DEPTOR: variants seen among roughly 807,000 people sequenced by gnomAD.
The protein encoded by DEPTOR is DEP domain containing MTOR interacting protein.
Under a neutral mutation model 41.6 loss-of-function variants are expected in DEPTOR, and 41 were observed. The observed-to-expected ratio is 0.98, with a 90% CI of 0.77 to 1.28. The LOEUF is 1.28. Ranked by LOEUF, DEPTOR falls within the 50% of genes most tolerant of loss-of-function variation. The pLI is 0.00. For missense variants in DEPTOR, 514 were observed against 527.9 expected (o/e 0.97, Z 0.26); for synonymous variants, 195 against 192.3 (o/e 1.01, Z -0.12).
intron 6 of DEPTOR, 79 bp downstream of exon 6, chr8:120,003,190 C>T (rs1812382849): frequency 4.5e-6 from 7 of 1,567,580 alleles, no homozygotes; most frequent in South Asian, 2.3e-5. Flanking sequence ...TCTGAGATAG[C>T]GGGAGACTAG....
chr8:119,956,740 GTT>G (rs71571641), intron 3 of DEPTOR, among the ~76,000 whole-genome samples: 1 of 92,004 alleles, frequency 1.1e-5, no homozygotes, highest in Non-Finnish European at 2.0e-5. Flanking sequence ...TTTTTTTTTT[GTT>G]TTTTTTTTTT....
chr8:119,995,315 G>C (rs1456525643), intron 4 of DEPTOR, among the ~76,000 whole-genome samples: 1 of 152,120 alleles, frequency 6.6e-6, no homozygotes, highest in Non-Finnish European at 1.5e-5. Flanking sequence ...GGCCGGGCAC[G>C]GTGGCTCATG....
intron 4 of DEPTOR, among the ~76,000 whole-genome samples, chr8:119,979,949 T>C (rs894230201): frequency 6.6e-6 from 1 of 152,122 alleles, no homozygotes. Context: ...GGAAAAACTC[T>C]TGATCATTTG....
chr8:119,938,813 C>A (rs1316328168), intron 3 of DEPTOR, among the ~76,000 whole-genome samples: 1 of 151,836 alleles, frequency 6.6e-6, no homozygotes, highest in African/African-American at 2.4e-5. Context: ...CCCAGCCTGC[C>A]TGCCTGCCTT....
rs547367393 is a variant in DEPTOR, at chr8:120,019,069, CTG to C, written c.1101+9937_1101+9938del. On this transcript the variant is annotated intron_variant, in intron 8 of 8. Coordinates refer to ENST00000286234, the MANE Select transcript of DEPTOR (RefSeq NM_022783.4). ...CCTGTAATTTCAGCACTTTGGGAGA[CTG>C]AGGCGGACGGACCACTTGAGGTCAG... 2.9e-3 allele frequency among the ~76,000 whole-genome samples: 437 copies of C among 152,270 alleles called. 3 individuals are homozygous for C. Among genetic ancestry groups the C allele is most frequent in the African/African-American group, 0.01 (420 of 41,570 alleles).
At chr8:119,930,940 G>A (rs919847782) in intron 3 of DEPTOR, among the ~76,000 whole-genome samples, 5 of 152,184 alleles carry the variant, frequency 3.3e-5, no homozygotes, top group South Asian at 2.1e-4. Context: ...GGCCAGGCAC[G>A]GTGGCTTATG....
chr8:119,961,892 A>C (rs1828497128), intron 3 of DEPTOR, among the ~76,000 whole-genome samples: 1 of 152,132 alleles, frequency 6.6e-6, no homozygotes, highest in Non-Finnish European at 1.5e-5. Context: ...ATAATTTTAC[A>C]GAGGAAGATG....
chr8:119,958,971 G>C (rs769851194), intron 3 of DEPTOR, among the ~76,000 whole-genome samples: 29 of 152,160 alleles, frequency 1.9e-4, no homozygotes, highest in Non-Finnish European at 3.1e-4. Flanking sequence ...CAGTTTCCTA[G>C]AGAGTGTTTT....
chr8:119,946,531 A>G (rs115657203), intron 3 of DEPTOR, among the ~76,000 whole-genome samples: 2,632 of 151,698 alleles, frequency 0.017, 70 homozygotes, highest in African/African-American at 0.061. Flanking sequence ...ACTGGAGATC[A>G]GGAGTTCAAC....
At chr8:120,035,751 C>T (rs1430017694) in intron 8 of DEPTOR, among the ~76,000 whole-genome samples, 1 of 152,150 alleles carries the variant, frequency 6.6e-6, no homozygotes, top group Non-Finnish European at 1.5e-5. Context: ...AGGCTGGTTT[C>T]GAACTCCTGA....
chr8:119,921,651 A>G (rs1827895350), intron 1 of DEPTOR, among the ~76,000 whole-genome samples: 1 of 151,352 alleles, frequency 6.6e-6, no homozygotes, highest in African/African-American at 2.4e-5. Context: ...CTCCCCTTCT[A>G]CCCTTGCAGG....
intron 3 of DEPTOR, among the ~76,000 whole-genome samples, chr8:119,948,711 A>G (rs1422074334): frequency 6.6e-6 from 1 of 152,058 alleles, no homozygotes; most frequent in Non-Finnish European, 1.5e-5. Context: ...CTATGCCTTC[A>G]TCTACCCCCT....
intron 3 of DEPTOR, among the ~76,000 whole-genome samples, chr8:119,932,392 G>A (rs1828056336): frequency 6.7e-6 from 1 of 150,184 alleles, no homozygotes; most frequent in Admixed American, 6.7e-5. Flanking sequence ...ATTGCTTAAT[G>A]GGATAGTTAT....
chr8:120,030,496 A>AGTTT (rs1586665741), intron 8 of DEPTOR, among the ~76,000 whole-genome samples: 1 of 30,934 alleles, frequency 3.2e-5, no homozygotes, highest in South Asian at 1.0e-3. Context: ...TAGGTTCATC[A>AGTTT]GTTTTTTTTT....
At chr8:119,874,405 A>G (rs1827206988) in intron 1 of DEPTOR, 1 of 194,998 alleles carries the variant, frequency 5.1e-6, no homozygotes, top group African/African-American at 2.4e-5. Context: ...AAAAGGAGCA[A>G]GACCAACGAT....
chr8:119,893,075 G>T (rs1350282973), intron 1 of DEPTOR, among the ~76,000 whole-genome samples: 1 of 152,122 alleles, frequency 6.6e-6, no homozygotes, highest in Non-Finnish European at 1.5e-5. Flanking sequence ...GAGCCACCGC[G>T]CCTGGCAGAC....
intron 6 of DEPTOR, among the ~76,000 whole-genome samples, chr8:120,004,760 A>G (rs1005578300): frequency 6.6e-6 from 1 of 152,016 alleles, no homozygotes; most frequent in Non-Finnish European, 1.5e-5. Flanking sequence ...TGTAAATTCC[A>G]CTTCTTACCC....
intron 8 of DEPTOR, among the ~76,000 whole-genome samples, chr8:120,016,450 C>T (rs976943226): frequency 2.0e-5 from 3 of 151,966 alleles, no homozygotes; most frequent in Non-Finnish European, 2.9e-5. Flanking sequence ...AGGTGTGTAC[C>T]ACCACACCCA....
rs13281411 is a variant in DEPTOR, at chr8:119,897,442, C to T, written c.122+23474C>T. On this transcript the variant is annotated intron_variant, in intron 1 of 8. Transcript: ENST00000286234. ...CAGCTACTCGGGAGGCTGAGGCAGG[C>T]GAATCATTTGAACCTGGGAGGCAGA... Among the ~76,000 whole-genome samples the T allele has an allele frequency of 6.3e-3, 961 of 151,918 alleles. 4 individuals are homozygous for T. Among genetic ancestry groups the T allele is most frequent in the Non-Finnish European group, 9.7e-3 (659 of 67,958 alleles).
Sources: gnomAD v4.1 joint callset for allele counts (sites outside exome capture counted in the v4.1 genomes callset) on GRCh38, gnomAD v4.1.1 for gene constraint, MANE v1.5 for transcripts, NCBI Gene and HGNC (gene_info 2026-07-23, HGNC 2026-07-21) for gene names.